Variants in EDA observed in about 807,000 individuals in gnomAD.
The protein encoded by EDA is ectodysplasin-A.
Under a neutral mutation model 23.6 loss-of-function variants are expected in EDA, and 2 were observed. That is an observed-to-expected ratio of 0.08 (90% CI 0.03 to 0.27). The LOEUF (loss-of-function observed/expected upper bound fraction) is 0.27. Ranked by LOEUF, EDA falls within the 10% of genes least tolerant of loss-of-function variation. The probability of loss-of-function intolerance (pLI) is 1.00; values close to 1 mark genes in which losing one functional copy is unlikely to be tolerated. For missense variants in EDA, 229 were observed against 324.2 expected (o/e 0.71, Z 2.26); for synonymous variants, 131 against 132.0 (o/e 0.99, Z 0.05).
intron 1 of EDA, among the ~76,000 whole-genome samples, chrX:69,904,059 C>T (rs1176219421): frequency 1.8e-5 from 2 of 110,789 alleles, no homozygotes; most frequent in Non-Finnish European, 3.8e-5. Context: ...TGATCCGCCC[C>T]TCTAGGCCTC....
At chrX:69,938,662 A>G (rs1270913701) in intron 1 of EDA, among the ~76,000 whole-genome samples, 1 of 111,793 alleles carries the variant, frequency 8.9e-6, no homozygotes, top group Non-Finnish European at 1.9e-5. Context: ...CTTGTGGGAT[A>G]TTAAATTTTT....
intron 1 of EDA, among the ~76,000 whole-genome samples, chrX:69,752,901 A>G (rs1159538077): frequency 9.2e-6 from 1 of 108,919 alleles, no homozygotes; most frequent in Non-Finnish European, 1.9e-5. Context: ...TAGTTTGTAT[A>G]TCTGTGGGAT....
At chrX:69,681,560 A>G (rs1934351590) in intron 1 of EDA, among the ~76,000 whole-genome samples, 1 of 110,517 alleles carries the variant, frequency 9.0e-6, no homozygotes. Context: ...TTCTCGCTTA[A>G]TTTCATTCAT....
intron 1 of EDA, among the ~76,000 whole-genome samples, chrX:69,911,426 G>T (rs997018279): frequency 1.6e-4 from 18 of 112,043 alleles, no homozygotes; most frequent in African/African-American, 5.5e-4. Flanking sequence ...GATGCTAAAA[G>T]CCATTTTTAG....
chrX:69,921,330 T>G (rs781611705), intron 1 of EDA, among the ~76,000 whole-genome samples: 10 of 111,669 alleles, frequency 9.0e-5, no homozygotes, highest in Non-Finnish European at 1.9e-4. Flanking sequence ...CCTTCTCAGC[T>G]GACAGAGGAA....
intron 1 of EDA, among the ~76,000 whole-genome samples, chrX:69,912,256 C>A (rs1012504319): frequency 8.9e-6 from 1 of 111,763 alleles, no homozygotes; most frequent in Non-Finnish European, 1.9e-5. Context: ...AAGTCTTGAA[C>A]CCCTCAAAGT....
chrX:69,779,240 G>A (rs2014871870), intron 1 of EDA, among the ~76,000 whole-genome samples: 1 of 111,653 alleles, frequency 9.0e-6, no homozygotes, highest in African/African-American at 3.2e-5. Context: ...GTTCATAGCA[G>A]TATTATTCTC....
chrX:69,711,843 C>G (rs2012058906), intron 1 of EDA, among the ~76,000 whole-genome samples: 1 of 111,305 alleles, frequency 9.0e-6, no homozygotes, highest in South Asian at 3.8e-4. Flanking sequence ...GGTGATATCC[C>G]CTTTATCATT....
At chrX:69,645,594 G>GATATATATATA (rs1932905643) in intron 1 of EDA, among the ~76,000 whole-genome samples, 1 of 50,087 alleles carries the variant, frequency 2.0e-5, no homozygotes, top group African/African-American at 1.2e-4. Flanking sequence ...TTATATATAT[G>GATATATATATA]TGTGTGTGTA....
chrX:69,838,614 G>A (rs928450840), intron 1 of EDA, among the ~76,000 whole-genome samples: 6 of 112,436 alleles, frequency 5.3e-5, no homozygotes, highest in Non-Finnish European at 9.4e-5. Context: ...GTGACAGAGC[G>A]AGACTCCGTC....
chrX:69,746,522 T>C (rs2013626470), intron 1 of EDA, among the ~76,000 whole-genome samples: 1 of 111,401 alleles, frequency 9.0e-6, no homozygotes, highest in South Asian at 3.8e-4. Flanking sequence ...TTCTCTGATT[T>C]TTTTTAGTCC....
intron 1 of EDA, among the ~76,000 whole-genome samples, chrX:69,829,579 G>A (rs1035686988): frequency 8.9e-6 from 1 of 112,020 alleles, no homozygotes; most frequent in Non-Finnish European, 1.9e-5. Flanking sequence ...GTATGTGAGT[G>A]CTTGGTTACA....
At chrX:69,730,250 G>A (rs1013280621) in intron 1 of EDA, among the ~76,000 whole-genome samples, 5 of 111,846 alleles carry the variant, frequency 4.5e-5, no homozygotes, top group African/African-American at 1.6e-4. Context: ...TGTATCCACA[G>A]AAGTGCTCAG....
At chrX:69,806,818 A>G (rs1257750743) in intron 1 of EDA, among the ~76,000 whole-genome samples, 1 of 110,040 alleles carries the variant, frequency 9.1e-6, no homozygotes, top group African/African-American at 3.3e-5. Context: ...AGCAAGGAGC[A>G]TAGAGAGTTT....
chrX:69,987,863 A>G (rs113426772), intron 2 of EDA, among the ~76,000 whole-genome samples: 3,677 of 111,164 alleles, frequency 0.033, 152 homozygotes, highest in African/African-American at 0.12. Flanking sequence ...TCTCTCCCCC[A>G]TCTGTCAGAA....
chrX:69,745,516 C>T (rs146642807), intron 1 of EDA, among the ~76,000 whole-genome samples: 1 of 111,250 alleles, frequency 9.0e-6, no homozygotes, highest in Non-Finnish European at 1.9e-5. Flanking sequence ...CTTAAAAAAT[C>T]ATTTTACTTT....
chrX:69,799,706 A>AC (rs1408010757), intron 1 of EDA, among the ~76,000 whole-genome samples: 1 of 108,840 alleles, frequency 9.2e-6, no homozygotes, highest in Non-Finnish European at 1.9e-5. Context: ...CAAAAAAAAA[A>AC]AAAACCCACA....
At chrX:69,725,506 C>G (rs1048069850) in intron 1 of EDA, among the ~76,000 whole-genome samples, 3 of 112,491 alleles carry the variant, frequency 2.7e-5, no homozygotes, top group African/African-American at 9.7e-5. Flanking sequence ...CTACACACCT[C>G]TAGTCACACC....
At chrX:69,990,878 A>C (rs1386888543) in intron 2 of EDA, among the ~76,000 whole-genome samples, 1 of 109,467 alleles carries the variant, frequency 9.1e-6, no homozygotes. Flanking sequence ...CCCAATGGTC[A>C]GTCCATTTTT....
Sources: allele counts gnomAD v4.1 joint callset (sites outside exome capture counted in the v4.1 genomes callset), GRCh38; gene constraint gnomAD v4.1.1; transcripts MANE v1.5; gene names NCBI Gene and HGNC (gene_info 2026-07-23, HGNC 2026-07-21).